RERG: variants seen among roughly 807,000 people sequenced by gnomAD.
RERG encodes RAS like estrogen regulated growth inhibitor.
RERG carries 25 observed loss-of-function variants against 23.2 expected under a neutral mutation model. The ratio of observed to expected loss-of-function variants is 1.08; its 90% CI spans 0.79 to 1.50. RERG has a LOEUF of 1.50. RERG is among the 40% of genes most tolerant of loss of function. The pLI is 0.00. For synonymous variants in RERG, 81 were observed against 89.1 expected (o/e 0.91, Z 0.51); for missense variants, 253 against 250.1 (o/e 1.01, Z -0.08).
chr12:15,203,911 G>T (rs1288063937), intron 2 of RERG, among the ~76,000 whole-genome samples: 1 of 151,570 alleles, frequency 6.6e-6, no homozygotes, highest in Non-Finnish European at 1.5e-5. Flanking sequence ...ATTGATGAAA[G>T]ACATTAAGGA....
chr12:15,201,313 C>T (rs957382876), intron 2 of RERG, among the ~76,000 whole-genome samples: 8 of 151,814 alleles, frequency 5.3e-5, no homozygotes, highest in African/African-American at 1.9e-4. Context: ...TAAATCAACT[C>T]AGACACCAGA....
chr12:15,195,300 A>G (rs990197791), intron 2 of RERG, among the ~76,000 whole-genome samples: 1 of 152,086 alleles, frequency 6.6e-6, no homozygotes, highest in Non-Finnish European at 1.5e-5. Flanking sequence ...TACAAACCCT[A>G]TAAGACCATC....
intron 2 of RERG, among the ~76,000 whole-genome samples, chr12:15,144,577 G>T (rs951484839): frequency 1.3e-5 from 2 of 152,188 alleles, no homozygotes; most frequent in Non-Finnish European, 2.9e-5. Flanking sequence ...TTCAAATGTT[G>T]CAAATAAACA....
intron 2 of RERG, among the ~76,000 whole-genome samples, chr12:15,182,035 CACTAA>C (rs1864929758): frequency 1.3e-5 from 2 of 151,266 alleles, no homozygotes; most frequent in African/African-American, 4.9e-5. Context: ...CAGAAAGTAA[CACTAA>C]ACTAATTAAC....
Position 15,109,216 on chromosome 12 carries a change from C to T in RERG, c.494G>A (p.Arg165Gln), listed in dbSNP as rs1863554183. 1.2e-6 allele frequency: 2 copies of T among 1,614,018 alleles called. No individual in the cohort carries two copies. Among genetic ancestry groups the T allele is most frequent in the Non-Finnish European group, 1.7e-6 (2 of 1,179,986 alleles). The part of the protein sequence containing the change: ...NITEIFYELC[R>Q]EVRRRRMVQG... ...CACCATCCTCCGGCGACGCACCTCT[C>T]GACACAATTCATAGAATATCTCTGT... The change falls in exon 5 of 5, where the codon CGA (arginine) becomes CAA (glutamine). Residue 165 changes from arginine (R) to glutamine (Q), a missense_variant. Transcript: ENST00000256953.
intron 2 of RERG, among the ~76,000 whole-genome samples, chr12:15,126,128 C>CATATATATATATATATATAT (rs67901734): frequency 0.014 from 1,224 of 88,638 alleles, 46 homozygotes; most frequent in East Asian, 0.023. Context: ...TTGTATATAC[C>CATATATATATATATATATAT]ATATATATAT....
intron 2 of RERG, among the ~76,000 whole-genome samples, chr12:15,142,786 A>C (rs77020249): frequency 0.014 from 2,074 of 152,226 alleles, 50 homozygotes; most frequent in African/African-American, 0.043. Flanking sequence ...CCTAAAAAAA[A>C]CCCCTGAAAT....
chr12:15,143,410 A>T (rs546755484), intron 2 of RERG, among the ~76,000 whole-genome samples: 2 of 147,802 alleles, frequency 1.4e-5, no homozygotes, highest in African/African-American at 5.3e-5. Flanking sequence ...ATATTATATA[A>T]ACACACATAT....
At chr12:15,111,561 ATGTGC>A in intron 3 of RERG, 144 bp from the exon 4 acceptor site, 1 of 605,458 alleles carries the variant, frequency 1.7e-6, no homozygotes, top group South Asian at 2.3e-5. Flanking sequence ...GAGAGGAGAG[ATGTGC>A]AAAAATGTAG....
intron 4 of RERG, chr12:15,111,140 C>G: frequency 2.3e-6 from 1 of 442,126 alleles, no homozygotes; most frequent in Non-Finnish European, 4.0e-6. Flanking sequence ...TTCAAAACCC[C>G]CTTGAAACAC....
intron 2 of RERG, among the ~76,000 whole-genome samples, chr12:15,200,499 C>T (rs749983122): frequency 2.6e-5 from 4 of 151,988 alleles, no homozygotes; most frequent in Non-Finnish European, 5.9e-5. Flanking sequence ...ACTTAGAAGT[C>T]ATGAATTATT....
At chr12:15,147,957 C>T (rs1864362179) in intron 2 of RERG, among the ~76,000 whole-genome samples, 1 of 152,110 alleles carries the variant, frequency 6.6e-6, no homozygotes, top group East Asian at 1.9e-4. Flanking sequence ...TCTCGAATCT[C>T]CACTTACAGA....
chr12:15,118,332 T>A (rs1017002596), intron 3 of RERG, among the ~76,000 whole-genome samples: 2 of 152,198 alleles, frequency 1.3e-5, no homozygotes, highest in African/African-American at 4.8e-5. Context: ...TGTAGAATGA[T>A]GTTCATAGTC....
chr12:15,217,129 T>A (rs191452882), intron 2 of RERG: 7 of 284,296 alleles, frequency 2.5e-5, no homozygotes, highest in African/African-American at 1.3e-4. Flanking sequence ...AAATATATAT[T>A]TTTTAATTTC....
At position 15,215,270 on chromosome 12, in the gene RERG, G is replaced by A. The variant is rs189922686; in HGVS notation, c.61+2159C>T. 4.5e-4 allele frequency among the ~76,000 whole-genome samples: 68 copies of A among 152,308 alleles called. No homozygotes were observed. The East Asian group carries it at 0.011, about 26-fold the overall frequency. ...GCAGGTGTTATCTTCAGCTTTGGGTGTGAGTAGCACTTCTAGGGGCAGTGT... is the reference window on the plus strand; with the variant it reads ...GCAGGTGTTATCTTCAGCTTTGGGTATGAGTAGCACTTCTAGGGGCAGTGT... On this transcript the variant is annotated intron_variant, in intron 2 of 4. Transcript: ENST00000256953.
chr12:15,163,450 T>C (rs1864642845), intron 2 of RERG, among the ~76,000 whole-genome samples: 2 of 152,178 alleles, frequency 1.3e-5, no homozygotes, highest in African/African-American at 2.4e-5. Flanking sequence ...ATAGGGGAAG[T>C]GTTTCCAGTA....
chr12:15,147,645 A>G (rs1864357170), intron 2 of RERG, among the ~76,000 whole-genome samples: 1 of 152,238 alleles, frequency 6.6e-6, no homozygotes, highest in Admixed American at 6.5e-5. Context: ...CAACAAACAC[A>G]ATATTAACCC....
Position 15,121,100 on chromosome 12 carries a change from C to T in RERG, c.81G>A (p.Leu27=). ...CATATTCCCAGATGAACCGTTTGGTCAGAAATCTCACTACAAGAGCTGTGG... is the reference window on the plus strand; with the variant it reads ...CATATTCCCAGATGAACCGTTTGGTTAGAAATCTCACTACAAGAGCTGTGG... ...VGKSALVVRF[L]TKRFIWEYDP... The change falls in exon 3 of 5, where the codon CTG becomes CTA. Residue 27 remains leucine, a synonymous_variant. Coordinates refer to ENST00000256953, the MANE Select transcript of RERG (RefSeq NM_032918.3). 1 of 1,613,396 alleles carries T rather than the reference C, an allele frequency of 6.2e-7. No individual in the cohort carries two copies. Among genetic ancestry groups the T allele is most frequent in the Non-Finnish European group, 8.5e-7 (1 of 1,179,534 alleles).
chr12:15,183,905 G>C, intron 2 of RERG, among the ~76,000 whole-genome samples: 1 of 152,152 alleles, frequency 6.6e-6, no homozygotes, highest in Non-Finnish European at 1.5e-5. Flanking sequence ...TCCATAAAGA[G>C]TAGAATGAGG....
Sources: gnomAD v4.1 joint callset for allele counts (sites outside exome capture counted in the v4.1 genomes callset) on GRCh38, gnomAD v4.1.1 for gene constraint, MANE v1.5 for transcripts, NCBI Gene and HGNC (gene_info 2026-07-23, HGNC 2026-07-21) for gene names.